Variants in HS3ST5 observed in about 807,000 individuals in gnomAD.
HS3ST5 encodes heparan sulfate glucosamine 3-O-sulfotransferase 5.
Under a neutral mutation model 25.4 loss-of-function variants are expected in HS3ST5, and 10 were observed. The ratio of observed to expected loss-of-function variants is 0.39; its 90% CI spans 0.24 to 0.67. HS3ST5 has a LOEUF of 0.67. Ranked by LOEUF, HS3ST5 falls within the 30% of genes least tolerant of loss-of-function variation. The pLI is 0.44. For missense variants in HS3ST5, 324 were observed against 420.7 expected (o/e 0.77, Z 2.01); for synonymous variants, 170 against 162.4 (o/e 1.05, Z -0.36).
chr6:114,090,145 G>A (rs984358039), intron 3 of HS3ST5, among the ~76,000 whole-genome samples: 1 of 152,156 alleles, frequency 6.6e-6, no homozygotes, highest in Non-Finnish European at 1.5e-5. Flanking sequence ...TGCAGTCCGT[G>A]CTTTTAAACA....
At chr6:114,204,011 C>T (rs1011480609) in intron 2 of HS3ST5, among the ~76,000 whole-genome samples, 9 of 152,112 alleles carry the variant, frequency 5.9e-5, no homozygotes, top group Non-Finnish European at 7.3e-5. Flanking sequence ...CAACAGGGTT[C>T]GGAAGCGTGT....
chr6:114,206,419 T>C (rs925444717), intron 2 of HS3ST5, among the ~76,000 whole-genome samples: 12 of 152,164 alleles, frequency 7.9e-5, no homozygotes, highest in African/African-American at 2.9e-4. Context: ...AATAAAAATA[T>C]GGTATAACTA....
chr6:114,341,483 C>T (rs1014865062), intron 1 of HS3ST5, among the ~76,000 whole-genome samples: 12 of 152,096 alleles, frequency 7.9e-5, no homozygotes, highest in Non-Finnish European at 1.5e-5. Context: ...CCAAGGTGGT[C>T]GCCCAAGTAA....
intron 2 of HS3ST5, among the ~76,000 whole-genome samples, chr6:114,218,663 A>G (rs1781883565): frequency 6.6e-6 from 1 of 152,236 alleles, no homozygotes. Flanking sequence ...TAGCCTAAAG[A>G]AATGAAAAAT....
chr6:114,140,020 G>A (rs1777826387), intron 3 of HS3ST5, among the ~76,000 whole-genome samples: 1 of 152,146 alleles, frequency 6.6e-6, no homozygotes, highest in Non-Finnish European at 1.5e-5. Context: ...CTGAGTGATG[G>A]ATACAAACCA....
chr6:114,278,978 T>C (rs777312859), intron 1 of HS3ST5, among the ~76,000 whole-genome samples: 1 of 152,026 alleles, frequency 6.6e-6, no homozygotes, highest in Non-Finnish European at 1.5e-5. Flanking sequence ...TCACTCTTTT[T>C]CTACTTTACT....
chr6:114,169,389 C>G (rs971537897), intron 2 of HS3ST5, among the ~76,000 whole-genome samples: 2 of 152,170 alleles, frequency 1.3e-5, no homozygotes, highest in Non-Finnish European at 2.9e-5. Flanking sequence ...TCTACTGTGT[C>G]TCCTCTCTGA....
chr6:114,166,691 G>A (rs1056854597), intron 3 of HS3ST5, among the ~76,000 whole-genome samples: 1 of 152,108 alleles, frequency 6.6e-6, no homozygotes, highest in African/African-American at 2.4e-5. Flanking sequence ...CGATGTTTCT[G>A]CTGTGTTTCC....
chr6:114,082,784 C>T (rs1434552042), intron 3 of HS3ST5, among the ~76,000 whole-genome samples: 2 of 152,182 alleles, frequency 1.3e-5, no homozygotes, highest in Non-Finnish European at 2.9e-5. Context: ...TGACTCATTC[C>T]AATTACCTGC....
intron 1 of HS3ST5, among the ~76,000 whole-genome samples, chr6:114,328,687 T>A (rs1391402270): frequency 6.6e-6 from 1 of 152,220 alleles, no homozygotes; most frequent in Non-Finnish European, 1.5e-5. Context: ...AAACATGTAA[T>A]AATACTTTAT....
intron 3 of HS3ST5, among the ~76,000 whole-genome samples, chr6:114,152,700 G>T (rs545822701): frequency 5.3e-5 from 8 of 152,056 alleles, no homozygotes; most frequent in Non-Finnish European, 1.2e-4. Flanking sequence ...TCAGTTCTCC[G>T]CCTGGACACA....
chr6:114,186,844 T>C (rs1386961459), intron 2 of HS3ST5, among the ~76,000 whole-genome samples: 1 of 152,200 alleles, frequency 6.6e-6, no homozygotes, highest in Non-Finnish European at 1.5e-5. Context: ...TTTGAAGCCA[T>C]AGTAGCTGAT....
chr6:114,080,499 G>A (rs1272930392), intron 3 of HS3ST5, among the ~76,000 whole-genome samples: 1 of 152,160 alleles, frequency 6.6e-6, no homozygotes, highest in African/African-American at 2.4e-5. Context: ...GTTTATTGCA[G>A]CACTATTCAC....
intron 1 of HS3ST5, among the ~76,000 whole-genome samples, chr6:114,332,428 T>C (rs1327223753): frequency 6.6e-6 from 1 of 152,170 alleles, no homozygotes; most frequent in Non-Finnish European, 1.5e-5. Flanking sequence ...AATAAAGTAA[T>C]CATATTCTCA....
Position 114,239,901 on chromosome 6 carries a change from C to A in HS3ST5, c.-338-11123G>T, listed in dbSNP as rs142676351. 2.5e-3 allele frequency among the ~76,000 whole-genome samples: 380 copies of A among 152,154 alleles called. 3 individuals are homozygous for A. The highest frequency in any genetic ancestry group is 0.024 in the South Asian group (114 of 4,818). On this transcript the variant is annotated intron_variant, in intron 1 of 4. Transcript: ENST00000312719. ...AAACGTATAGCATAACTTCCTTGTT[C>A]TAAGCCATGGGGGATATAAAGATTC...
In HS3ST5 at chr6:114,056,999, C is replaced by T. The variant is rs1772803476; in HGVS notation, c.*258G>A. On this transcript the variant is annotated 3_prime_UTR_variant, in exon 5 of 5. Transcript: ENST00000312719. ...CTAACTCTTTGAGAATAGCTGAAGT[C>T]ACTTTCCCCCAATACCACCACCTCT... 2.8e-6 allele frequency: 1 copy of T among 362,716 alleles called. No individual in the cohort carries two copies. The highest frequency in any genetic ancestry group is 4.9e-6 in the Non-Finnish European group (1 of 202,756). 22.5% of individuals were successfully genotyped at this position (362,716 alleles called of 1,614,324 possible).
chr6:114,085,933 T>TCCC (rs1774779424), intron 3 of HS3ST5, among the ~76,000 whole-genome samples: 6 of 71,028 alleles, frequency 8.4e-5, no homozygotes, highest in African/African-American at 1.6e-4. Context: ...ATAAATTCAT[T>TCCC]GCCCCCCCCC....
At chr6:114,123,245 G>T (rs1288828204) in intron 3 of HS3ST5, among the ~76,000 whole-genome samples, 1 of 152,052 alleles carries the variant, frequency 6.6e-6, no homozygotes, top group Non-Finnish European at 1.5e-5. Context: ...GAGCCATCGC[G>T]CCCAGCCATA....
chr6:114,233,002 C>T (rs1771676495), intron 1 of HS3ST5, among the ~76,000 whole-genome samples: 1 of 151,860 alleles, frequency 6.6e-6, no homozygotes, highest in Non-Finnish European at 1.5e-5. Context: ...ACTGTGACCT[C>T]ATATCATCTG....
Sources: gnomAD v4.1 joint callset for allele counts (sites outside exome capture counted in the v4.1 genomes callset) on GRCh38, gnomAD v4.1.1 for gene constraint, MANE v1.5 for transcripts, NCBI Gene and HGNC (gene_info 2026-07-23, HGNC 2026-07-21) for gene names.